The following TNS3 variants were observed in gnomAD, a reference collection of about 807,000 sequenced individuals.
The protein encoded by TNS3 is tensin 3.
A neutral mutation model predicts 140.9 loss-of-function variants in TNS3; 45 were observed. The observed-to-expected ratio is 0.32, with a 90% confidence interval of 0.25 to 0.41. The LOEUF is 0.41. Among genes scored for constraint, TNS3 ranks in the 10% least tolerant of loss-of-function variants. The pLI is 1.00. For missense variants in TNS3, 1,716 were observed against 1,906.7 expected (o/e 0.90, Z 1.86); for synonymous variants, 815 against 788.4 (o/e 1.03, Z -0.56).
At chr7:47,375,576 C>T (rs939506220) in intron 16 of TNS3, among the ~76,000 whole-genome samples, 3 of 152,174 alleles carry the variant, frequency 2.0e-5, no homozygotes, top group African/African-American at 4.8e-5. Flanking sequence ...GCTACTGAAA[C>T]GTGGCTTTCC....
At chr7:47,389,742 T>C (rs982004130) in intron 16 of TNS3, among the ~76,000 whole-genome samples, 12 of 152,208 alleles carry the variant, frequency 7.9e-5, no homozygotes, top group Admixed American at 4.6e-4. Context: ...TCAGGTGACA[T>C]TGAGGAAGAT....
intron 23 of TNS3, among the ~76,000 whole-genome samples, chr7:47,297,841 G>GCA (rs1172826378): frequency 6.8e-6 from 1 of 147,156 alleles, no homozygotes; most frequent in Non-Finnish European, 1.5e-5. Context: ...AGGCTAGAGT[G>GCA]CAGTGGCATG....
At chr7:47,533,890 G>A (rs1799508694) in intron 1 of TNS3, among the ~76,000 whole-genome samples, 1 of 152,142 alleles carries the variant, frequency 6.6e-6, no homozygotes, top group Non-Finnish European at 1.5e-5. Context: ...GGAACTGTGA[G>A]TCCATTAAAT....
At chr7:47,308,905 T>C (rs1786914331) in intron 20 of TNS3, among the ~76,000 whole-genome samples, 1 of 152,338 alleles carries the variant, frequency 6.6e-6, no homozygotes, top group Middle Eastern at 3.4e-3. Context: ...GTTGAATACG[T>C]ATGGCGGATC....
At chr7:47,546,354 C>T (rs569175661) in intron 1 of TNS3, among the ~76,000 whole-genome samples, 22 of 152,264 alleles carry the variant, frequency 1.4e-4, no homozygotes, top group African/African-American at 5.1e-4. Flanking sequence ...ACTGCTGTTC[C>T]GGAGCTGGAC....
intron 1 of TNS3, among the ~76,000 whole-genome samples, chr7:47,569,457 T>C (rs928248669): frequency 2.6e-5 from 4 of 151,924 alleles, no homozygotes; most frequent in African/African-American, 9.7e-5. Flanking sequence ...GGCAGGAGAA[T>C]TGCTCGAACC....
At chr7:47,328,408 A>T (rs974725972) in intron 20 of TNS3, among the ~76,000 whole-genome samples, 3 of 151,894 alleles carry the variant, frequency 2.0e-5, no homozygotes, top group Non-Finnish European at 4.4e-5. Context: ...CCCTGCTGAA[A>T]CCCAACCAGG....
chr7:47,468,376 G>C (rs1277000257), intron 4 of TNS3, among the ~76,000 whole-genome samples: 1 of 152,178 alleles, frequency 6.6e-6, no homozygotes, highest in African/African-American at 2.4e-5. Flanking sequence ...GGGAGGCAGA[G>C]GTTGCAGTGA....
intron 25 of TNS3, among the ~76,000 whole-genome samples, chr7:47,293,363 C>T (rs1785821609): frequency 6.6e-6 from 1 of 152,168 alleles, no homozygotes; most frequent in Non-Finnish European, 1.5e-5. Context: ...TCCCAATTTG[C>T]AGGGAAGGGA....
intron 15 of TNS3, among the ~76,000 whole-genome samples, chr7:47,397,522 G>T (rs980350695): frequency 1.6e-4 from 24 of 152,192 alleles, no homozygotes; most frequent in African/African-American, 4.3e-4. Flanking sequence ...GAAAAAAATT[G>T]TTTCGCACAT....
intron 4 of TNS3, among the ~76,000 whole-genome samples, chr7:47,473,667 G>T (rs1350846107): frequency 6.6e-6 from 1 of 152,130 alleles, no homozygotes; most frequent in Non-Finnish European, 1.5e-5. Context: ...GAGACTTGTG[G>T]GAAGCCTTCT....
chr7:47,572,812 G>A (rs978384987), intron 1 of TNS3, among the ~76,000 whole-genome samples: 1 of 151,980 alleles, frequency 6.6e-6, no homozygotes, highest in Non-Finnish European at 1.5e-5. Context: ...TGGGGAGGTT[G>A]CAGTGAGCTG....
chr7:47,481,875 C>T (rs148429529), intron 3 of TNS3, among the ~76,000 whole-genome samples: 18 of 152,194 alleles, frequency 1.2e-4, no homozygotes, highest in Non-Finnish European at 2.4e-4. Context: ...AGCCACAGGA[C>T]CTTGGCCTTT....
intron 1 of TNS3, among the ~76,000 whole-genome samples, chr7:47,529,529 CT>C (rs1799319043): frequency 1.3e-5 from 2 of 152,236 alleles, no homozygotes; most frequent in South Asian, 4.1e-4. Context: ...ACTCTCAACC[CT>C]TTTTCTTCTG....
chr7:47,380,218 G>A (rs116431761), intron 16 of TNS3, among the ~76,000 whole-genome samples: 2,764 of 152,342 alleles, frequency 0.018, 87 homozygotes, highest in African/African-American at 0.062. Flanking sequence ...AGGCCAGGGC[G>A]GCTCCCCGGG....
intron 20 of TNS3, among the ~76,000 whole-genome samples, chr7:47,307,123 A>G (rs1215510064): frequency 6.6e-6 from 1 of 152,200 alleles, no homozygotes; most frequent in Non-Finnish European, 1.5e-5. Flanking sequence ...AACCATCATC[A>G]TGATTGAGAT....
chr7:47,351,114 G>A (rs965538020), intron 17 of TNS3, among the ~76,000 whole-genome samples: 1 of 152,130 alleles, frequency 6.6e-6, no homozygotes, highest in Non-Finnish European at 1.5e-5. Context: ...GATTACCTTC[G>A]AGAGGAACAA....
intron 23 of TNS3, among the ~76,000 whole-genome samples, chr7:47,299,411 G>A (rs994948835): frequency 6.6e-6 from 1 of 152,168 alleles, no homozygotes; most frequent in African/African-American, 2.4e-5. Flanking sequence ...AAGTTGCTGG[G>A]ATTATAGGAG....
At chr7:47,564,809 G>GC (rs1374307834) in intron 1 of TNS3, among the ~76,000 whole-genome samples, 1 of 151,778 alleles carries the variant, frequency 6.6e-6, no homozygotes, top group Non-Finnish European at 1.5e-5. Flanking sequence ...GCTCTTGGCT[G>GC]CCTCCCCGAC....
Sources: allele counts gnomAD v4.1 joint callset (sites outside exome capture counted in the v4.1 genomes callset), GRCh38; gene constraint gnomAD v4.1.1; transcripts MANE v1.5; gene names NCBI Gene and HGNC (gene_info 2026-07-23, HGNC 2026-07-21).